GPC3: variants seen among roughly 807,000 people sequenced by gnomAD.
The protein encoded by GPC3 is glypican-3.
Under a neutral mutation model 34.4 loss-of-function variants are expected in GPC3, and 3 were observed. The ratio of observed to expected loss-of-function variants is 0.09; its 90% CI spans 0.04 to 0.23. The LOEUF (loss-of-function observed/expected upper bound fraction) is 0.23. GPC3 is among the 10% of genes least tolerant of loss of function. The pLI, the probability that GPC3 is intolerant of heterozygous loss-of-function variation, is 1.00. For synonymous variants in GPC3, 177 were observed against 174.0 expected, an observed-to-expected ratio of 1.02 and a Z score of -0.13; for missense variants, 351 against 445.6, an observed-to-expected ratio of 0.79 and a Z score of 1.91.
At chrX:133,738,255 C>T (rs932313900) in intron 3 of GPC3, among the ~76,000 whole-genome samples, 10 of 112,355 alleles carry the variant, frequency 8.9e-5, no homozygotes, top group Non-Finnish European at 1.7e-4. Flanking sequence ...TGAGCCATTG[C>T]ACCAGGCCTG....
At chrX:133,957,145 C>T (rs2076420194) in intron 1 of GPC3, among the ~76,000 whole-genome samples, 1 of 111,669 alleles carries the variant, frequency 9.0e-6, no homozygotes, top group African/African-American at 3.3e-5. Context: ...AATATTTACC[C>T]TCCCTCCCAG....
At chrX:133,559,196 T>C (rs2069520812) in intron 7 of GPC3, among the ~76,000 whole-genome samples, 1 of 110,955 alleles carries the variant, frequency 9.0e-6, no homozygotes, top group East Asian at 2.9e-4. Flanking sequence ...TGAGCCACCA[T>C]GTCCAGCCAA....
intron 3 of GPC3, among the ~76,000 whole-genome samples, chrX:133,725,966 G>A (rs922344819): frequency 8.9e-6 from 1 of 111,833 alleles, no homozygotes; most frequent in African/African-American, 3.3e-5. Context: ...CCTCTTGCTA[G>A]CATCATGAAA....
At chrX:133,731,157 T>A (rs1181517476) in intron 3 of GPC3, among the ~76,000 whole-genome samples, 1 of 112,381 alleles carries the variant, frequency 8.9e-6, no homozygotes, top group Non-Finnish European at 1.9e-5. Flanking sequence ...TTCTCTAGGA[T>A]GTTTTGAAGA....
chrX:133,535,879 TTGA>T lies in GPC3; in HGVS notation c.*242_*244del. On this transcript the variant is annotated 3_prime_UTR_variant, in exon 8 of 8. Coordinates refer to ENST00000370818, the MANE Select transcript of GPC3 (RefSeq NM_004484.4). ...ACATAGGAGAATAATTTGGCACAAC[TTGA>T]TGGTTTTTTTTCTTTCTTTGCAAAA... 2.6e-6 allele frequency: 1 copy of T among 377,772 alleles called. No homozygotes were observed. The allele number at this position is 377,772 out of a possible 1,213,427, so 31.1% of individuals were successfully genotyped here. A position where few individuals can be genotyped will look rare whatever the true frequency, so the allele number is the denominator to read the frequency against.
At chrX:133,579,605 A>G (rs1353654573) in intron 7 of GPC3, among the ~76,000 whole-genome samples, 1 of 112,080 alleles carries the variant, frequency 8.9e-6, no homozygotes, top group Non-Finnish European at 1.9e-5. Flanking sequence ...GTGCAGTGGC[A>G]CAATCATAGC....
chrX:133,642,938 T>G (rs1185247974), intron 6 of GPC3, among the ~76,000 whole-genome samples: 1 of 111,581 alleles, frequency 9.0e-6, no homozygotes, highest in Non-Finnish European at 1.9e-5. Flanking sequence ...TGGGGTTAGA[T>G]AAAGGGAGGC....
At chrX:133,718,799 T>C (rs905510149) in intron 3 of GPC3, among the ~76,000 whole-genome samples, 19 of 111,419 alleles carry the variant, frequency 1.7e-4, no homozygotes, top group East Asian at 8.5e-4. Flanking sequence ...AGAGTGGCTG[T>C]ACTAATGTTG....
intron 2 of GPC3, among the ~76,000 whole-genome samples, chrX:133,831,507 G>T (rs1457538576): frequency 8.9e-6 from 1 of 111,997 alleles, no homozygotes; most frequent in Non-Finnish European, 1.9e-5. Context: ...AAGGCAGGCG[G>T]ATCACCTGAG....
intron 3 of GPC3, among the ~76,000 whole-genome samples, chrX:133,705,380 C>T (rs761271756): frequency 5.1e-4 from 57 of 110,991 alleles, no homozygotes; most frequent in Non-Finnish European, 8.9e-4. Context: ...TAGCTAGACA[C>T]GGGATCTCAG....
chrX:133,694,642 G>T (rs962129214), intron 4 of GPC3, among the ~76,000 whole-genome samples: 4 of 109,502 alleles, frequency 3.7e-5, no homozygotes, highest in African/African-American at 1.3e-4. Context: ...AAAGGAAAGA[G>T]TTTCCCTTAG....
intron 1 of GPC3, among the ~76,000 whole-genome samples, chrX:133,969,772 GC>G (rs1242431119): frequency 2.7e-5 from 3 of 111,460 alleles, no homozygotes; most frequent in African/African-American, 9.8e-5. Flanking sequence ...TTATTTGGCA[GC>G]CCCTTCCAAA....
intron 3 of GPC3, among the ~76,000 whole-genome samples, chrX:133,740,290 G>A (rs59605883): frequency 0.034 from 3,852 of 111,852 alleles, 178 homozygotes; most frequent in African/African-American, 0.12. Context: ...TGAGGAAAAC[G>A]TTTCCACCAC....
chrX:133,974,052 T>C (rs1195962137), intron 1 of GPC3, among the ~76,000 whole-genome samples: 2 of 111,739 alleles, frequency 1.8e-5, no homozygotes, highest in African/African-American at 6.5e-5. Context: ...TGTTTTGTTT[T>C]GTTTTGTTTT....
chrX:133,606,320 G>A (rs1333810952), intron 6 of GPC3, among the ~76,000 whole-genome samples: 2 of 112,474 alleles, frequency 1.8e-5, no homozygotes, highest in Admixed American at 9.4e-5. Flanking sequence ...TTTCCAAGAG[G>A]AGGCATAGCA....
intron 2 of GPC3, among the ~76,000 whole-genome samples, chrX:133,943,779 G>C (rs1463122966): frequency 9.0e-6 from 1 of 111,728 alleles, no homozygotes; most frequent in Admixed American, 9.5e-5. Context: ...CTTGTTCACA[G>C]TGTTCTGGGA....
chrX:133,785,345 T>C (rs1569432097), intron 2 of GPC3, among the ~76,000 whole-genome samples: 1 of 111,302 alleles, frequency 9.0e-6, no homozygotes, highest in East Asian at 2.8e-4. Context: ...GCCATAGCTC[T>C]ACTACTTTTT....
intron 2 of GPC3, among the ~76,000 whole-genome samples, chrX:133,835,806 T>C (rs755536636): frequency 8.9e-5 from 10 of 112,823 alleles, no homozygotes; most frequent in Non-Finnish European, 1.5e-4. Flanking sequence ...ACTTCTATTA[T>C]CAGGAAAAAA....
At chrX:133,703,979 C>T (rs1030077123) in intron 3 of GPC3, among the ~76,000 whole-genome samples, 5 of 112,095 alleles carry the variant, frequency 4.5e-5, no homozygotes. Flanking sequence ...AGAAAAATCA[C>T]CAAAAAATAT....
Sources: allele counts gnomAD v4.1 joint callset (sites outside exome capture counted in the v4.1 genomes callset), GRCh38; gene constraint gnomAD v4.1.1; transcripts MANE v1.5; gene names NCBI Gene and HGNC (gene_info 2026-07-23, HGNC 2026-07-21).